Variants in LIN54 observed in about 807,000 individuals in gnomAD.
LIN54 encodes the protein lin-54 DREAM MuvB core complex component, also known as protein lin-54 homolog.
In LIN54, 9 loss-of-function variants were observed where a neutral mutation model predicts 78.7. That is an observed-to-expected ratio of 0.11 (90% confidence interval 0.07 to 0.20). The LOEUF (loss-of-function observed/expected upper bound fraction) is 0.20, where lower values mean the gene tolerates loss of function less well. Ranked by LOEUF, LIN54 falls within the 10% of genes least tolerant of loss-of-function variation. The probability of loss-of-function intolerance (pLI) is 1.00; values close to 1 mark genes in which losing one functional copy is unlikely to be tolerated. For synonymous variants in LIN54, 269 were observed against 318.4 expected (o/e 0.84, Z 1.65); for missense variants, 573 against 889.9 (o/e 0.64, Z 4.53).
At chr4:82,959,793 C>T (rs1578548364) in intron 4 of LIN54, among the ~76,000 whole-genome samples, 1 of 152,094 alleles carries the variant, frequency 6.6e-6, no homozygotes, top group African/African-American at 2.4e-5. Context: ...CATTGAAAAA[C>T]ATTGTTCTCA....
chr4:82,926,811 CAAGT>C lies in LIN54; in HGVS notation c.*1287_*1290del, dbSNP rs1721503521. On this transcript the variant is annotated 3_prime_UTR_variant, in exon 13 of 13. Coordinates refer to ENST00000340417, the MANE Select transcript of LIN54 (RefSeq NM_194282.4). The stretch of plus-strand genomic sequence containing the variant: ...TGTTAGGAGGCCCATTTCTGTAAAT[CAAGT>C]AAGAGTTGCGATTTGGTTTGAAACC... The C allele has an allele frequency of 6.6e-6, 1 of 152,138 alleles. No homozygotes were observed. Among genetic ancestry groups the C allele is most frequent in the South Asian group, 2.1e-4 (1 of 4,828 alleles). 9.4% of individuals were successfully genotyped at this position (152,138 alleles called of 1,614,324 possible). A position where few individuals can be genotyped will look rare whatever the true frequency, so the allele number is the denominator to read the frequency against.
In LIN54 at chr4:82,933,237, T is replaced by TTA. The variant is rs748650529; in HGVS notation, c.1846-2094_1846-2093dup. Among the ~76,000 whole-genome samples the TTA allele has an allele frequency of 9.2e-3, 1,376 of 148,796 alleles. 11 individuals are homozygous for TTA. Among genetic ancestry groups the TTA allele is most frequent in the Middle Eastern group, 0.011 (3 of 284 alleles). Reference sequence around the variant, plus strand: ...CATACCAATAATGGTAATTTAGATTTTATATATATATATATATTTGTTTTT... The same window carrying TTA: ...CATACCAATAATGGTAATTTAGATTTTATATATATATATATATATTTGTTTTT... On this transcript the variant is annotated intron_variant, in intron 11 of 12. Coordinates refer to ENST00000340417, the MANE Select transcript of LIN54 (RefSeq NM_194282.4).
chr4:83,011,947 C>T, upstream of LIN54: 1 of 804,328 alleles, frequency 1.2e-6, no homozygotes, highest in African/African-American at 1.9e-5. Context: ...AACAGGGCCA[C>T]TCTACTGTCT....
At chr4:82,977,399 G>T (rs1020882267) in intron 3 of LIN54, among the ~76,000 whole-genome samples, 1 of 152,074 alleles carries the variant, frequency 6.6e-6, no homozygotes, top group African/African-American at 2.4e-5. Flanking sequence ...TGCCTCCCAT[G>T]ACATCTCTCA....
At chr4:82,961,967 A>AG (rs1356086763) in intron 4 of LIN54, among the ~76,000 whole-genome samples, 2 of 152,078 alleles carry the variant, frequency 1.3e-5, no homozygotes, top group African/African-American at 4.8e-5. Flanking sequence ...AAAAAAAAAA[A>AG]AAAGAAAAAA....
chr4:82,933,574 A>G (rs1722145550), intron 11 of LIN54, among the ~76,000 whole-genome samples: 1 of 152,266 alleles, frequency 6.6e-6, no homozygotes, highest in Non-Finnish European at 1.5e-5. Context: ...AGAACAGTTC[A>G]ACACAAAATG....
At chr4:82,943,022 CAG>C (rs1394992405) in intron 5 of LIN54, among the ~76,000 whole-genome samples, 1 of 151,932 alleles carries the variant, frequency 6.6e-6, no homozygotes. Context: ...GGTCATAAAA[CAG>C]AATACTATAA....
chr4:82,925,676 T>G lies in LIN54; in HGVS notation c.*2426A>C, dbSNP rs1721407196. On this transcript the variant is annotated 3_prime_UTR_variant, in exon 13 of 13. Coordinates refer to ENST00000340417, the MANE Select transcript of LIN54 (RefSeq NM_194282.4). ...GGTTTTTTGCATATTAAATGGTTAATAAAGTGGTGTTATTATACTAAAGAA... is the reference window on the plus strand; with the variant it reads ...GGTTTTTTGCATATTAAATGGTTAAGAAAGTGGTGTTATTATACTAAAGAA... 6.6e-6 allele frequency: 1 copy of G among 152,644 alleles called. No individual in the cohort carries two copies. Among genetic ancestry groups the G allele is most frequent in the Non-Finnish European group, 1.5e-5 (1 of 68,048 alleles). The allele number at this position is 152,644 out of a possible 1,614,324, so 9.5% of individuals were successfully genotyped here. A position where few individuals can be genotyped will look rare whatever the true frequency, so the allele number is the denominator to read the frequency against.
chr4:82,974,858 C>CA (rs57555387), intron 3 of LIN54, among the ~76,000 whole-genome samples: 117 of 132,038 alleles, frequency 8.9e-4, no homozygotes, highest in Middle Eastern at 3.9e-3. Context: ...CAGACTGTCT[C>CA]AAAAAAAAAA....
At chr4:82,939,514 C>T in intron 7 of LIN54, 25 bp downstream of exon 7, 1 of 1,590,932 alleles carries the variant, frequency 6.3e-7, no homozygotes, top group Non-Finnish European at 8.6e-7. Flanking sequence ...TTTTGCAATA[C>T]AATGACTTCA....
At chr4:82,951,188 A>G (rs1477846375) in intron 4 of LIN54, among the ~76,000 whole-genome samples, 1 of 152,218 alleles carries the variant, frequency 6.6e-6, no homozygotes, top group African/African-American at 2.4e-5. Context: ...TGATAAAGTA[A>G]GAAAAGATAA....
chr4:82,962,091 C>T (rs1203700559), intron 4 of LIN54, among the ~76,000 whole-genome samples: 1 of 152,044 alleles, frequency 6.6e-6, no homozygotes, highest in Non-Finnish European at 1.5e-5. Context: ...AGGAACCTAA[C>T]CCTAATTTCT....
chr4:83,004,762 G>A (rs562972689), intron 1 of LIN54, among the ~76,000 whole-genome samples: 72 of 152,162 alleles, frequency 4.7e-4, no homozygotes, highest in Non-Finnish European at 9.0e-4. Flanking sequence ...GCCTCCCAAG[G>A]TGCTGGGATT....
At chr4:82,979,481 C>G (rs186792597) in intron 2 of LIN54, among the ~76,000 whole-genome samples, 2 of 152,154 alleles carry the variant, frequency 1.3e-5, no homozygotes, top group East Asian at 3.9e-4. Flanking sequence ...ACTAGATTTT[C>G]AACTTTAGAT....
At chr4:82,954,119 C>G (rs952654871) in intron 4 of LIN54, among the ~76,000 whole-genome samples, 1 of 152,066 alleles carries the variant, frequency 6.6e-6, no homozygotes, top group East Asian at 1.9e-4. Flanking sequence ...GTAAGGAAGA[C>G]TTATCCAAGT....
intron 4 of LIN54, among the ~76,000 whole-genome samples, chr4:82,949,750 A>G (rs2126048594): frequency 6.6e-6 from 1 of 152,118 alleles, no homozygotes; most frequent in East Asian, 1.9e-4. Context: ...ATGGTTTGCA[A>G]ATGTCTTTTC....
rs1363548033 is a variant in LIN54 at position 82,978,834 on chromosome 4, C to A, written c.808+49G>T. 5 of 1,216,688 alleles carry A rather than the reference C, an allele frequency of 4.1e-6. No individual in the cohort carries two copies. The South Asian group carries it at 6.6e-5, about 16-fold the overall frequency. The allele number at this position is 1,216,688 out of a possible 1,614,324, so 75.4% of individuals were successfully genotyped here. On this transcript the variant is annotated intron_variant, in intron 3 of 12. Transcript: ENST00000340417. ...AGTTGGCAGAACAGCCTTTTTAAAT[C>A]TAAAAGGAAGATAAATATTTAGCTT... is the stretch of plus-strand genomic sequence containing the variant.
At chr4:82,958,720 G>A (rs1724542544) in intron 4 of LIN54, among the ~76,000 whole-genome samples, 1 of 151,794 alleles carries the variant, frequency 6.6e-6, no homozygotes, top group Admixed American at 6.6e-5. Context: ...TTTTTGAGAT[G>A]GAGTCTTGCT....
intron 2 of LIN54, 78 bp from the exon 3 acceptor site, chr4:82,979,084 C>T: frequency 9.3e-7 from 1 of 1,076,576 alleles, no homozygotes; most frequent in Non-Finnish European, 1.3e-6. Flanking sequence ...CAAAGATTCA[C>T]ACAAAGTAGC....
Sources: gnomAD v4.1 joint callset for allele counts (sites outside exome capture counted in the v4.1 genomes callset) on GRCh38, gnomAD v4.1.1 for gene constraint, MANE v1.5 for transcripts, NCBI Gene and HGNC (gene_info 2026-07-23, HGNC 2026-07-21) for gene names.